The following EYS variants were observed in gnomAD, a reference collection of about 807,000 sequenced individuals.
EYS encodes the protein EGF-like photoreceptor maintenance factor, also known as protein eyes shut homolog.
EYS carries 250 observed loss-of-function variants against 282.1 expected under a neutral mutation model. The ratio of observed to expected loss-of-function variants is 0.89; its 90% confidence interval spans 0.80 to 0.98. The LOEUF is 0.98. Ranked by LOEUF, EYS falls within the 50% of genes least tolerant of loss-of-function variation. EYS has a pLI of 0.00. For synonymous variants in EYS, 1,355 were observed against 1,282.9 expected (o/e 1.06, Z -1.20); for missense variants, 4,016 against 3,709.0 (o/e 1.08, Z -2.15).
intron 28 of EYS, among the ~76,000 whole-genome samples, chr6:64,425,904 A>G (rs1774392048): frequency 6.6e-6 from 1 of 152,018 alleles, no homozygotes; most frequent in Non-Finnish European, 1.5e-5. Context: ...GAAAGTAGAG[A>G]AGCGATGTTA....
Position 63,803,251 on chromosome 6 carries a change from CT to C in EYS, c.7411+2938del, listed in dbSNP as rs773877468. On this transcript the variant is annotated intron_variant, in intron 37 of 42. Coordinates refer to ENST00000503581, the MANE Select transcript of EYS (RefSeq NM_001142800.2). ...TCATTTGAAGTTTTCATTTGCCAGGCTTTTTTTTTTTTCAAATCAGAAGGGT... is the reference window on the plus strand; with the variant it reads ...TCATTTGAAGTTTTCATTTGCCAGGCTTTTTTTTTTTCAAATCAGAAGGGT... 6.0e-3 allele frequency among the ~76,000 whole-genome samples: 808 copies of C among 135,228 alleles called. 5 individuals carry two copies. The highest frequency in any genetic ancestry group is 0.015 in the African/African-American group (540 of 36,980). 88.7% of individuals were successfully genotyped at this position (135,228 alleles called of 152,430 possible). A position where few individuals can be genotyped will look rare whatever the true frequency, so the allele number is the denominator to read the frequency against.
intron 22 of EYS, among the ~76,000 whole-genome samples, chr6:64,703,426 T>C (rs1770862797): frequency 1.7e-5 from 1 of 59,904 alleles, no homozygotes; most frequent in African/African-American, 5.2e-5. Flanking sequence ...TATATATATA[T>C]ATATTTTTTT....
chr6:64,066,937 GTTTAT>G (rs942095756), intron 32 of EYS, among the ~76,000 whole-genome samples: 1 of 151,900 alleles, frequency 6.6e-6, no homozygotes, highest in African/African-American at 2.4e-5. Flanking sequence ...AATTTCTTAT[GTTTAT>G]TTGTATTTTA....
intron 22 of EYS, among the ~76,000 whole-genome samples, chr6:64,739,614 GC>G (rs1772299962): frequency 1.3e-5 from 2 of 152,058 alleles, no homozygotes; most frequent in South Asian, 4.2e-4. Context: ...ATTGTTCTTT[GC>G]TAGGTAATTC....
At chr6:63,852,863 C>G (rs1007839945) in intron 36 of EYS, among the ~76,000 whole-genome samples, 1 of 152,182 alleles carries the variant, frequency 6.6e-6, no homozygotes, top group African/African-American at 2.4e-5. Flanking sequence ...ATCACATAAA[C>G]AGAACCAATA....
At chr6:64,813,298 T>C in intron 22 of EYS, 80 bp downstream of exon 22, 1 of 1,002,136 alleles carries the variant, frequency 1.0e-6, no homozygotes, top group Non-Finnish European at 1.4e-6. Flanking sequence ...GTATTTACAT[T>C]GCAGAGTGCA....
At chr6:64,572,193 G>A (rs1014292117) in intron 26 of EYS, among the ~76,000 whole-genome samples, 1 of 152,120 alleles carries the variant, frequency 6.6e-6, no homozygotes, top group African/African-American at 2.4e-5. Context: ...TATTTAAATA[G>A]ATGAAGAAAA....
intron 29 of EYS, among the ~76,000 whole-genome samples, chr6:64,318,617 A>G (rs1397033107): frequency 6.6e-6 from 1 of 152,022 alleles, no homozygotes; most frequent in Non-Finnish European, 1.5e-5. Flanking sequence ...CTTGAAGAAT[A>G]TCTAAATTAT....
At chr6:64,076,562 A>G (rs759432352) in intron 32 of EYS, among the ~76,000 whole-genome samples, 11 of 151,878 alleles carry the variant, frequency 7.2e-5, no homozygotes, top group Admixed American at 1.3e-4. Flanking sequence ...GTGGTAGGGT[A>G]TAAGTCTCAT....
At chr6:64,975,825 T>C (rs1302568298) in intron 14 of EYS, among the ~76,000 whole-genome samples, 1 of 151,912 alleles carries the variant, frequency 6.6e-6, no homozygotes, top group African/African-American at 2.4e-5. Flanking sequence ...TTTTATTACA[T>C]GTTATTGAAA....
intron 7 of EYS, among the ~76,000 whole-genome samples, chr6:65,391,300 T>A (rs1202566622): frequency 6.6e-6 from 1 of 152,206 alleles, no homozygotes; most frequent in East Asian, 1.9e-4. Flanking sequence ...ATGGCAACAA[T>A]GTCCTAGATA....
chr6:64,644,846 G>C (rs1473453963), intron 22 of EYS, among the ~76,000 whole-genome samples: 1 of 152,116 alleles, frequency 6.6e-6, no homozygotes, highest in Non-Finnish European at 1.5e-5. Context: ...ACCTGTGCCA[G>C]GCAGCTCTGA....
intron 26 of EYS, among the ~76,000 whole-genome samples, chr6:64,574,157 T>C (rs1689288571): frequency 6.6e-6 from 1 of 152,176 alleles, no homozygotes; most frequent in African/African-American, 2.4e-5. Flanking sequence ...ACCATCATTC[T>C]CAGCAAACTA....
rs527251318 is a variant in EYS, at chr6:65,471,229, C to CAAA, written c.862+19362_862+19364dup. On this transcript the variant is annotated intron_variant, in intron 5 of 42. Coordinates refer to ENST00000503581, the MANE Select transcript of EYS (RefSeq NM_001142800.2). Reference sequence around the variant, plus strand: ...GCAACATAGTGAGACCTCATCTTTACAAAAAAAAAAAAAAAAAAAAATTGT... The same window carrying CAAA: ...GCAACATAGTGAGACCTCATCTTTACAAAAAAAAAAAAAAAAAAAAAAAATTGT... Among the ~76,000 whole-genome samples the CAAA allele has an allele frequency of 1.5e-3, 149 of 96,710 alleles. 4 individuals are homozygous for CAAA. The highest frequency in any genetic ancestry group is 6.0e-3 in the Middle Eastern group (1 of 166). The allele number at this position is 96,710 out of a possible 152,430, so 63.4% of individuals were successfully genotyped here.
At chr6:63,970,289 C>T (rs1439824061) in intron 35 of EYS, among the ~76,000 whole-genome samples, 1 of 152,184 alleles carries the variant, frequency 6.6e-6, no homozygotes, top group East Asian at 1.9e-4. Context: ...GCGTCCTGTG[C>T]TGCTGCACTG....
chr6:65,520,548 T>C (rs1767326378), intron 2 of EYS, among the ~76,000 whole-genome samples: 1 of 152,090 alleles, frequency 6.6e-6, no homozygotes, highest in African/African-American at 2.4e-5. Context: ...CAATATGTGT[T>C]ATTGCAGAGG....
intron 31 of EYS, among the ~76,000 whole-genome samples, chr6:64,090,304 T>G (rs1420472634): frequency 6.6e-6 from 1 of 152,176 alleles, no homozygotes; most frequent in Non-Finnish European, 1.5e-5. Flanking sequence ...CTGTCAGATT[T>G]TAATCTTTAA....
At chr6:64,007,324 T>C (rs2149808742) in intron 33 of EYS, among the ~76,000 whole-genome samples, 1 of 152,148 alleles carries the variant, frequency 6.6e-6, no homozygotes, top group South Asian at 2.1e-4. Context: ...TGTTTTTCTG[T>C]GGGGTTGGTG....
intron 12 of EYS, among the ~76,000 whole-genome samples, chr6:65,184,626 A>G (rs1021876528): frequency 2.0e-5 from 3 of 151,484 alleles, no homozygotes; most frequent in Non-Finnish European, 4.4e-5. Flanking sequence ...AATTCCAAAT[A>G]AATACAGATT....
Sources: gnomAD v4.1 joint callset for allele counts (sites outside exome capture counted in the v4.1 genomes callset) on GRCh38, gnomAD v4.1.1 for gene constraint, MANE v1.5 for transcripts, NCBI Gene and HGNC (gene_info 2026-07-23, HGNC 2026-07-21) for gene names.